The following LRRC4C variants were observed in gnomAD, a reference collection of about 807,000 sequenced individuals.
LRRC4C encodes leucine-rich repeat-containing protein 4C.
A neutral mutation model predicts 33.6 loss-of-function variants in LRRC4C; 5 were observed. The observed-to-expected ratio is 0.15, with a 90% CI of 0.08 to 0.31. The LOEUF (loss-of-function observed/expected upper bound fraction) is 0.31. Ranked by LOEUF, LRRC4C falls within the 10% of genes least tolerant of loss-of-function variation. The pLI is 1.00. For synonymous variants in LRRC4C, 329 were observed against 302.0 expected (o/e 1.09, Z -0.93); for missense variants, 560 against 796.7 (o/e 0.70, Z 3.58).
intron 1 of LRRC4C, among the ~76,000 whole-genome samples, chr11:41,095,475 C>G (rs1277140424): frequency 6.6e-6 from 1 of 152,180 alleles, no homozygotes; most frequent in Non-Finnish European, 1.5e-5. Flanking sequence ...AAGTCTCTTT[C>G]ACCAGAACTC....
At chr11:40,401,820 CA>C (rs2137550250) in intron 3 of LRRC4C, among the ~76,000 whole-genome samples, 1 of 152,120 alleles carries the variant, frequency 6.6e-6, no homozygotes, top group South Asian at 2.1e-4. Flanking sequence ...CATTAGGAAC[CA>C]AAGTCAAAAC....
intron 1 of LRRC4C, among the ~76,000 whole-genome samples, chr11:41,458,147 A>G (rs1452947909): frequency 6.6e-6 from 1 of 152,156 alleles, no homozygotes; most frequent in African/African-American, 2.4e-5. Flanking sequence ...ATACATAGAC[A>G]TCAACAGCTG....
chr11:40,803,213 G>T (rs2135304021), intron 2 of LRRC4C, among the ~76,000 whole-genome samples: 1 of 152,264 alleles, frequency 6.6e-6, no homozygotes, highest in East Asian at 1.9e-4. Flanking sequence ...GTCCTAAGCA[G>T]TTACTATCGT....
Position 40,976,532 on chromosome 11 carries a change from G to A in LRRC4C, c.-495-42809C>T, listed in dbSNP as rs1197487897. On this transcript the variant is annotated intron_variant, in intron 1 of 6. Coordinates refer to ENST00000528697, the MANE Select transcript of LRRC4C (RefSeq NM_001258419.2). Reference sequence around the variant, plus strand: ...ATACAGCAAAAATAATTAAAGTGAAGAAAGGCTTTAGCATGTAGAGAAAGG... The same window carrying A: ...ATACAGCAAAAATAATTAAAGTGAAAAAAGGCTTTAGCATGTAGAGAAAGG... Among the ~76,000 whole-genome samples, 9 of 152,162 alleles carry A rather than the reference G, an allele frequency of 5.9e-5. No homozygotes were observed. In the East Asian group the frequency reaches 1.3e-3, roughly 23 times the overall value.
At chr11:40,368,673 A>G (rs536431078) in intron 3 of LRRC4C, among the ~76,000 whole-genome samples, 41 of 152,270 alleles carry the variant, frequency 2.7e-4, no homozygotes, top group African/African-American at 8.4e-4. Flanking sequence ...TTTCTTCAAT[A>G]AGCTAGCCTA....
At chr11:40,493,659 C>A (rs895069441) in intron 3 of LRRC4C, among the ~76,000 whole-genome samples, 2 of 152,108 alleles carry the variant, frequency 1.3e-5, no homozygotes, top group Non-Finnish European at 2.9e-5. Flanking sequence ...ACTATTAAAA[C>A]AAATAGTAAC....
intron 1 of LRRC4C, among the ~76,000 whole-genome samples, chr11:41,283,898 G>A (rs1052694639): frequency 2.6e-5 from 4 of 152,146 alleles, no homozygotes; most frequent in East Asian, 1.9e-4. Context: ...GTAAAATACA[G>A]GTAATAATAG....
At chr11:41,335,441 C>G (rs570623985) in intron 1 of LRRC4C, among the ~76,000 whole-genome samples, 1 of 152,156 alleles carries the variant, frequency 6.6e-6, no homozygotes, top group Non-Finnish European at 1.5e-5. Flanking sequence ...GTCAAAAATA[C>G]TACCTGTCCA....
At chr11:40,608,366 G>T (rs990911338) in intron 3 of LRRC4C, among the ~76,000 whole-genome samples, 8 of 151,466 alleles carry the variant, frequency 5.3e-5, no homozygotes, top group African/African-American at 1.9e-4. Context: ...TAACCAAAAA[G>T]AAAATAGCTA....
chr11:40,654,086 C>T (rs535115095), intron 2 of LRRC4C, among the ~76,000 whole-genome samples: 27 of 152,310 alleles, frequency 1.8e-4, no homozygotes, highest in African/African-American at 6.5e-4. Context: ...ATGGAAATGC[C>T]TGCATGTCCA....
At chr11:41,022,633 A>T (rs1248936932) in intron 1 of LRRC4C, among the ~76,000 whole-genome samples, 1 of 152,016 alleles carries the variant, frequency 6.6e-6, no homozygotes, top group Non-Finnish European at 1.5e-5. Context: ...GAAGACAAAA[A>T]GTTGTTTGTA....
intron 1 of LRRC4C, among the ~76,000 whole-genome samples, chr11:40,976,021 A>G (rs1852060014): frequency 6.6e-6 from 1 of 152,208 alleles, no homozygotes; most frequent in Admixed American, 6.5e-5. Flanking sequence ...TTAAATGGCA[A>G]CACTGAAAAT....
intron 2 of LRRC4C, among the ~76,000 whole-genome samples, chr11:40,725,600 T>C (rs1947252751): frequency 6.6e-6 from 1 of 152,102 alleles, no homozygotes; most frequent in Non-Finnish European, 1.5e-5. Context: ...CACTGAGATT[T>C]TCTTCATAAT....
At chr11:40,888,349 C>A (rs1278571291) in intron 2 of LRRC4C, among the ~76,000 whole-genome samples, 5 of 151,752 alleles carry the variant, frequency 3.3e-5, no homozygotes, top group Non-Finnish European at 4.4e-5. Flanking sequence ...TCATTTGTTT[C>A]CAGTAAGTGG....
intron 4 of LRRC4C, among the ~76,000 whole-genome samples, chr11:40,243,995 C>G (rs1316834647): frequency 6.6e-6 from 1 of 151,886 alleles, no homozygotes; most frequent in African/African-American, 2.4e-5. Flanking sequence ...CCACAGCTCC[C>G]AGCCAAAACT....
At chr11:40,936,927 C>T (rs1480396948) in intron 1 of LRRC4C, among the ~76,000 whole-genome samples, 1 of 152,114 alleles carries the variant, frequency 6.6e-6, no homozygotes, top group East Asian at 1.9e-4. Context: ...AGAAGGCAAT[C>T]ACTCTTAACT....
intron 2 of LRRC4C, among the ~76,000 whole-genome samples, chr11:40,648,509 CT>C (rs1942595135): frequency 6.7e-6 from 1 of 148,244 alleles, no homozygotes. Context: ...AGTAGTAGAT[CT>C]CCAGGTGACT....
chr11:41,050,616 A>T (rs1858132551), intron 1 of LRRC4C, among the ~76,000 whole-genome samples: 1 of 152,188 alleles, frequency 6.6e-6, no homozygotes, highest in South Asian at 2.1e-4. Flanking sequence ...CACTAAGGAT[A>T]TCAACTCACT....
chr11:41,004,697 T>C (rs897742724), intron 1 of LRRC4C, among the ~76,000 whole-genome samples: 5 of 152,098 alleles, frequency 3.3e-5, no homozygotes, highest in African/African-American at 1.2e-4. Flanking sequence ...GCATCAGTGT[T>C]CATTCACATA....
Sources: gnomAD v4.1 joint callset for allele counts (sites outside exome capture counted in the v4.1 genomes callset) on GRCh38, gnomAD v4.1.1 for gene constraint, MANE v1.5 for transcripts, NCBI Gene and HGNC (gene_info 2026-07-23, HGNC 2026-07-21) for gene names.